ATP6V1G1: variants seen among roughly 807,000 people sequenced by gnomAD.
The protein encoded by ATP6V1G1 is V-type proton ATPase subunit G 1.
Under a neutral mutation model 14.2 loss-of-function variants are expected in ATP6V1G1, and 14 were observed. The observed-to-expected ratio is 0.99, with a 90% CI of 0.65 to 1.55. The LOEUF is 1.55. ATP6V1G1 is among the 40% of genes most tolerant of loss of function. ATP6V1G1 has a pLI of 0.00. For missense variants in ATP6V1G1, 137 were observed against 146.4 expected, an observed-to-expected ratio of 0.94 and a Z score of 0.33; for synonymous variants, 65 against 53.3, an observed-to-expected ratio of 1.22 and a Z score of -0.96.
intron 1 of ATP6V1G1, among the ~76,000 whole-genome samples, chr9:114,592,155 T>C (rs1845188646): frequency 6.6e-6 from 1 of 152,246 alleles, no homozygotes; most frequent in Admixed American, 6.5e-5. Context: ...TTGCTAAGCA[T>C]CTGAGTAGGG....
intron 2 of ATP6V1G1, among the ~76,000 whole-genome samples, chr9:114,595,783 G>A (rs774119571): frequency 1.8e-4 from 27 of 150,416 alleles, no homozygotes; most frequent in Non-Finnish European, 3.1e-4. Flanking sequence ...ATCTCTTCGG[G>A]AAAAAAAAAT....
rs1454692989 is a variant in ATP6V1G1, at chr9:114,587,794, G to C, written c.-45G>C. On this transcript the variant is annotated 5_prime_UTR_variant, in exon 1 of 3. Coordinates refer to ENST00000374050, the MANE Select transcript of ATP6V1G1 (RefSeq NM_004888.4). The stretch of plus-strand genomic sequence containing the variant: ...GTGTCAGCTGACCCAAGGGGCCTTC[G>C]AGGTGCCTTAGGCCGCTTGCCTTGC... The C allele has an allele frequency of 1.3e-6, 2 of 1,550,812 alleles. No homozygotes were observed. The highest frequency in any genetic ancestry group is 1.2e-5 in the South Asian group (1 of 84,128).
rs898993047 is a variant in ATP6V1G1, at chr9:114,597,833, T to C, written c.*90T>C. The C allele has an allele frequency of 3.3e-6, 4 of 1,196,990 alleles. No individual in the cohort carries two copies. The highest frequency in any genetic ancestry group is 4.3e-6 in the Non-Finnish European group (4 of 923,200). 74.1% of individuals were successfully genotyped at this position (1,196,990 alleles called of 1,614,324 possible). On this transcript the variant is annotated 3_prime_UTR_variant, in exon 3 of 3. Transcript: ENST00000374050. Reference sequence around the variant, plus strand: ...CAGCTCTAGTTACATTCTTATGATATGGCATTAAATTATTTCCATATATTA... The same window carrying C: ...CAGCTCTAGTTACATTCTTATGATACGGCATTAAATTATTTCCATATATTA...
intron 2 of ATP6V1G1, among the ~76,000 whole-genome samples, chr9:114,596,936 T>C (rs2086302374): frequency 6.6e-6 from 1 of 152,052 alleles, no homozygotes; most frequent in Non-Finnish European, 1.5e-5. Context: ...CAGAAGCAAG[T>C]TGAGTTTTTA....
Position 114,598,514 on chromosome 9 carries a change from A to G in ATP6V1G1, c.*771A>G, listed in dbSNP as rs1331974926. The G allele has an allele frequency of 6.6e-6, 1 of 152,342 alleles. No homozygotes were observed. Among genetic ancestry groups the G allele is most frequent in the Non-Finnish European group, 1.5e-5 (1 of 68,042 alleles). The allele number at this position is 152,342 out of a possible 1,614,324, so 9.4% of individuals were successfully genotyped here. A position where few individuals can be genotyped will look rare whatever the true frequency, so the allele number is the denominator to read the frequency against. ...AGCACACAAATAGCACACATATCACATACCCATTTATATACATAATTAGAA... is the reference window on the plus strand; with the variant it reads ...AGCACACAAATAGCACACATATCACGTACCCATTTATATACATAATTAGAA... On this transcript the variant is annotated 3_prime_UTR_variant, in exon 3 of 3. Coordinates refer to ENST00000374050, the MANE Select transcript of ATP6V1G1 (RefSeq NM_004888.4).
At chr9:114,596,142 G>A (rs1199941194) in intron 2 of ATP6V1G1, among the ~76,000 whole-genome samples, 1 of 151,990 alleles carries the variant, frequency 6.6e-6, no homozygotes, top group East Asian at 1.9e-4. Flanking sequence ...AATAAAAAGG[G>A]GCAGGCTGAG....
intron 2 of ATP6V1G1, among the ~76,000 whole-genome samples, chr9:114,593,098 C>A (rs1301830130): frequency 6.6e-6 from 1 of 152,050 alleles, no homozygotes; most frequent in Non-Finnish European, 1.5e-5. Context: ...ATAGTACAGA[C>A]ATTTACCAGT....
At chr9:114,597,360 T>C (rs1033665145) in intron 2 of ATP6V1G1, among the ~76,000 whole-genome samples, 7 of 152,212 alleles carry the variant, frequency 4.6e-5, no homozygotes, top group Non-Finnish European at 8.8e-5. Context: ...GTGGGAATAC[T>C]GTGTAGTTTA....
intron 2 of ATP6V1G1, among the ~76,000 whole-genome samples, chr9:114,594,039 C>T (rs2133559211): frequency 6.6e-6 from 1 of 151,414 alleles, no homozygotes; most frequent in South Asian, 2.1e-4. Context: ...TAGAAATACC[C>T]TTGTGTCAGG....
intron 2 of ATP6V1G1, among the ~76,000 whole-genome samples, chr9:114,596,117 G>A (rs1845234841): frequency 6.6e-6 from 1 of 152,130 alleles, no homozygotes; most frequent in Non-Finnish European, 1.5e-5. Flanking sequence ...AAATGTTTAC[G>A]CTAAAAATTC....
In ATP6V1G1 at chr9:114,598,718, C is replaced by T. The variant is rs917089399; in HGVS notation, c.*975C>T. Among the ~76,000 whole-genome samples the T allele has an allele frequency of 6.6e-6, 1 of 152,162 alleles. No individual in the cohort carries two copies. The highest frequency in any genetic ancestry group is 1.5e-5 in the Non-Finnish European group (1 of 68,036). ...ATGATGTGCATTATACCTGTAGTAC[C>T]TTCATACTAGCCCTTACAAGTTAAA... On this transcript the variant is annotated 3_prime_UTR_variant, in exon 3 of 3. Coordinates refer to ENST00000374050, the MANE Select transcript of ATP6V1G1 (RefSeq NM_004888.4).
rs775718142 is a variant in ATP6V1G1 at position 114,587,910 on chromosome 9, G to A, written c.72G>A (p.Glu24=). ...AEKRAAEKVS[E]ARKRKNRRLK... is the part of the protein sequence containing the mutation. ...AGCGGGCAGCCGAGAAGGTGTCCGA[G>A]GCCCGCAAAAGTGAGTTTCAGGGTG... is the stretch of plus-strand genomic sequence containing the variant. Residue 24 remains glutamate, a synonymous_variant, in exon 1 of 3, where the codon GAG becomes GAA. Coordinates refer to ENST00000374050, the MANE Select transcript of ATP6V1G1 (RefSeq NM_004888.4). 51 of 1,579,106 alleles carry A rather than the reference G, an allele frequency of 3.2e-5. No homozygotes were observed. The highest frequency in any genetic ancestry group is 4.0e-5 in the Non-Finnish European group (47 of 1,162,702).
At chr9:114,596,571 A>AACTTAAG (rs1845240837) in intron 2 of ATP6V1G1, among the ~76,000 whole-genome samples, 1 of 152,130 alleles carries the variant, frequency 6.6e-6, no homozygotes, top group Non-Finnish European at 1.5e-5. Flanking sequence ...TTAAGAACTA[A>AACTTAAG]AACACTAACC....
chr9:114,597,031 C>A (rs539029449), intron 2 of ATP6V1G1, among the ~76,000 whole-genome samples: 89 of 144,382 alleles, frequency 6.2e-4, no homozygotes, highest in African/African-American at 2.2e-3. Flanking sequence ...CGCTCTGTCG[C>A]CCAGGCTGGA....
rs1441747343 is a variant in ATP6V1G1, at chr9:114,592,673, G to C, written c.183+21G>C. 2.6e-6 allele frequency: 4 copies of C among 1,557,406 alleles called. No individual in the cohort carries two copies. In the South Asian group the frequency reaches 3.6e-5, roughly 14 times the overall value. On this transcript the variant is annotated intron_variant, in intron 2 of 2. Coordinates refer to ENST00000374050, the MANE Select transcript of ATP6V1G1 (RefSeq NM_004888.4). Reference sequence around the variant, plus strand: ...CTGCGGTGGGGCACCATTTGTTTTTGTTACTGCTTTAGTTTCTGATCCCCT... The same window carrying C: ...CTGCGGTGGGGCACCATTTGTTTTTCTTACTGCTTTAGTTTCTGATCCCCT...
At chr9:114,593,346 C>T (rs1196185720) in intron 2 of ATP6V1G1, among the ~76,000 whole-genome samples, 3 of 152,158 alleles carry the variant, frequency 2.0e-5, no homozygotes. Context: ...TCAGGACTTT[C>T]TCTCACCTCT....
At chr9:114,594,367 C>T (rs1408064134) in intron 2 of ATP6V1G1, among the ~76,000 whole-genome samples, 3 of 151,236 alleles carry the variant, frequency 2.0e-5, no homozygotes, top group Non-Finnish European at 2.9e-5. Context: ...CCGCGCCCAG[C>T]GCCCCCCGCC....
At chr9:114,592,334 G>A (rs1292379551) in intron 1 of ATP6V1G1, among the ~76,000 whole-genome samples, 1 of 152,120 alleles carries the variant, frequency 6.6e-6, no homozygotes, top group East Asian at 1.9e-4. Flanking sequence ...AGTTACAGAA[G>A]GTATTCATTT....
At chr9:114,591,517 T>TTC (rs1197629711) in intron 1 of ATP6V1G1, among the ~76,000 whole-genome samples, 2 of 152,208 alleles carry the variant, frequency 1.3e-5, no homozygotes, top group African/African-American at 4.8e-5. Flanking sequence ...CCAGAAATAA[T>TTC]ACTGGAGTGA....
Sources: allele counts gnomAD v4.1 joint callset (sites outside exome capture counted in the v4.1 genomes callset), GRCh38; gene constraint gnomAD v4.1.1; transcripts MANE v1.5; gene names NCBI Gene and HGNC (gene_info 2026-07-23, HGNC 2026-07-21).